Variants in PIP4K2B observed in about 807,000 individuals in gnomAD.
PIP4K2B encodes the protein phosphatidylinositol-5-phosphate 4-kinase type 2 beta, also known as phosphatidylinositol 5-phosphate 4-kinase type-2 beta.
In PIP4K2B, 3 loss-of-function variants were observed where a neutral mutation model predicts 42.0. That is an observed-to-expected ratio of 0.07 (90% CI 0.03 to 0.18). The LOEUF (loss-of-function observed/expected upper bound fraction) is 0.18, where lower values mean the gene tolerates loss of function less well. Ranked by LOEUF, PIP4K2B falls within the 10% of genes least tolerant of loss-of-function variation. The pLI, the probability that PIP4K2B is intolerant of heterozygous loss-of-function variation, is 1.00. For synonymous variants in PIP4K2B, 204 were observed against 210.1 expected (o/e 0.97, Z 0.25); for missense variants, 332 against 562.3 (o/e 0.59, Z 4.14).
chr17:38,782,208 A>AT (rs1909754817), intron 3 of PIP4K2B, among the ~76,000 whole-genome samples: 1 of 152,324 alleles, frequency 6.6e-6, no homozygotes, highest in African/African-American at 2.4e-5. Flanking sequence ...CCTCTCTACC[A>AT]TAAGACTTAC....
chr17:38,795,120 A>G (rs1265338705), intron 1 of PIP4K2B, among the ~76,000 whole-genome samples: 5 of 150,964 alleles, frequency 3.3e-5, no homozygotes, highest in East Asian at 1.9e-4. Context: ...AAAAAAAAAA[A>G]AAAAGAAAAA....
At position 38,775,882 on chromosome 17, in the gene PIP4K2B, G is replaced by GA. The variant is rs1189722900; in HGVS notation, c.807+1804dup. Among the ~76,000 whole-genome samples the GA allele has an allele frequency of 2.0e-5, 3 of 150,542 alleles. No individual in the cohort carries two copies. In the East Asian group the frequency reaches 5.9e-4, roughly 29 times the overall value. On this transcript the variant is annotated intron_variant, in intron 7 of 9. Coordinates refer to ENST00000619039, the MANE Select transcript of PIP4K2B (RefSeq NM_003559.5). ...AAAACAAATAAATAAATAATAAAAA[G>GA]AAAAAAATTCTGACACATGATACAG...
intron 1 of PIP4K2B, among the ~76,000 whole-genome samples, chr17:38,787,653 G>C (rs1037643196): frequency 6.6e-6 from 1 of 152,190 alleles, no homozygotes; most frequent in African/African-American, 2.4e-5. Flanking sequence ...GAGTGCAATG[G>C]CACGATCTCA....
intron 1 of PIP4K2B, among the ~76,000 whole-genome samples, chr17:38,789,724 C>T (rs8071164): frequency 0.015 from 2,263 of 152,160 alleles, 49 homozygotes; most frequent in African/African-American, 0.051. Context: ...GGGAAAAAAC[C>T]CAATTTACTC....
intron 1 of PIP4K2B, among the ~76,000 whole-genome samples, chr17:38,791,548 T>A (rs912815161): frequency 2.8e-4 from 42 of 150,976 alleles, no homozygotes; most frequent in African/African-American, 9.5e-4. Flanking sequence ...TAGCTCGGAT[T>A]ATAGGCATGC....
chr17:38,769,574 C>T lies in PIP4K2B; in HGVS notation c.*117G>A. On this transcript the variant is annotated 3_prime_UTR_variant, in exon 10 of 10. Transcript: ENST00000619039. ...AGGCTGCAGTCTCATTGCTAAAGCCCTCCCAAACCCGACTCTGCTCCCACC... is the reference window on the plus strand; with the variant it reads ...AGGCTGCAGTCTCATTGCTAAAGCCTTCCCAAACCCGACTCTGCTCCCACC... 1.3e-6 allele frequency: 1 copy of T among 747,730 alleles called. No homozygotes were observed. The highest frequency in any genetic ancestry group is 2.4e-5 in the East Asian group (1 of 40,854). 46.3% of individuals were successfully genotyped at this position (747,730 alleles called of 1,614,324 possible). A position where few individuals can be genotyped will look rare whatever the true frequency, so the allele number is the denominator to read the frequency against.
intron 6 of PIP4K2B, 70 bp downstream of exon 6, chr17:38,778,264 G>T: frequency 2.1e-6 from 3 of 1,433,262 alleles, no homozygotes; most frequent in African/African-American, 1.4e-5. Context: ...GTGGGCGAGG[G>T]ACAGGATGGC....
At chr17:38,794,374 T>C (rs972519586) in intron 1 of PIP4K2B, among the ~76,000 whole-genome samples, 4 of 151,560 alleles carry the variant, frequency 2.6e-5, no homozygotes, top group Non-Finnish European at 4.4e-5. Flanking sequence ...TCAAGCGAGA[T>C]GAATACGCTC....
chr17:38,798,566 G>A (rs1213829305), intron 1 of PIP4K2B, among the ~76,000 whole-genome samples: 3 of 152,154 alleles, frequency 2.0e-5, no homozygotes, highest in Non-Finnish European at 4.4e-5. Context: ...ACTATGGGAA[G>A]ACATATTATT....
chr17:38,777,054 G>A (rs1286875987), intron 7 of PIP4K2B, among the ~76,000 whole-genome samples: 1 of 152,022 alleles, frequency 6.6e-6, no homozygotes, highest in East Asian at 1.9e-4. Context: ...AAGCCACCAT[G>A]CTTAGCCAAC....
chr17:38,779,541 A>T lies in PIP4K2B; in HGVS notation c.508-12T>A. On this transcript the variant is annotated splice_polypyrimidine_tract_variant and intron_variant, in intron 4 of 9. Coordinates refer to ENST00000619039, the MANE Select transcript of PIP4K2B (RefSeq NM_003559.5). ...CACTCCACTATAAACTAGAATGGAA[A>T]GGAAGAAGAGAGAGGACTAAGGAAC... 1 of 1,608,484 alleles carries T rather than the reference A, an allele frequency of 6.2e-7. No homozygotes were observed. The highest frequency in any genetic ancestry group is 8.5e-7 in the Non-Finnish European group (1 of 1,175,064).
intron 3 of PIP4K2B, among the ~76,000 whole-genome samples, chr17:38,783,464 C>T (rs1275197212): frequency 6.6e-6 from 1 of 152,220 alleles, no homozygotes; most frequent in African/African-American, 2.4e-5. Flanking sequence ...CTCCCCACTC[C>T]CACCACCAGG....
chr17:38,784,038 G>T (rs1348236370), intron 3 of PIP4K2B, among the ~76,000 whole-genome samples: 1 of 152,224 alleles, frequency 6.6e-6, no homozygotes, highest in Non-Finnish European at 1.5e-5. Flanking sequence ...ACCTGAGTGT[G>T]TGCAGCATCC....
chr17:38,773,062 T>A (rs547389864), intron 7 of PIP4K2B, among the ~76,000 whole-genome samples: 62 of 152,110 alleles, frequency 4.1e-4, no homozygotes, highest in Non-Finnish European at 2.9e-4. Flanking sequence ...CCACTGGGGA[T>A]CTTGGAACAT....
At chr17:38,783,703 C>A (rs1909836858) in intron 3 of PIP4K2B, among the ~76,000 whole-genome samples, 1 of 152,018 alleles carries the variant, frequency 6.6e-6, no homozygotes, top group South Asian at 2.1e-4. Context: ...CAGGTTCAAG[C>A]GATTCTCCTG....
rs374070076 is a variant in PIP4K2B at position 38,799,229 on chromosome 17, G to C, written c.159+37C>G. The C allele has an allele frequency of 5.0e-5, 78 of 1,547,610 alleles. No homozygotes were observed. Among genetic ancestry groups the C allele is most frequent in the Non-Finnish European group, 6.2e-5 (71 of 1,152,276 alleles). Reference sequence around the variant, plus strand: ...GGCTGCAGGGGGCGTGGGAGCGCGCGGGGCCGCGCTCAGAGGGGCGCGCAG... The same window carrying C: ...GGCTGCAGGGGGCGTGGGAGCGCGCCGGGCCGCGCTCAGAGGGGCGCGCAG... On this transcript the variant is annotated intron_variant, in intron 1 of 9. Coordinates refer to ENST00000619039, the MANE Select transcript of PIP4K2B (RefSeq NM_003559.5). This position sits in a 1 kb window ranked among gnomAD's most constrained non-coding sequence, Gnocchi z 4.4.
chr17:38,772,772 G>A (rs1909116874), intron 7 of PIP4K2B, among the ~76,000 whole-genome samples: 1 of 152,084 alleles, frequency 6.6e-6, no homozygotes, highest in South Asian at 2.1e-4. Flanking sequence ...AGTAGAGACA[G>A]TTTCATCATG....
At position 38,769,487 on chromosome 17, in the gene PIP4K2B, G is replaced by T; in HGVS notation, c.*204C>A. ...TAAGCAGAAGGTGGGGTTACATCCTGTGAGCAGGTGCACACACAGCACATC... is the reference window on the plus strand; with the variant it reads ...TAAGCAGAAGGTGGGGTTACATCCTTTGAGCAGGTGCACACACAGCACATC... On this transcript the variant is annotated 3_prime_UTR_variant, in exon 10 of 10. Coordinates refer to ENST00000619039, the MANE Select transcript of PIP4K2B (RefSeq NM_003559.5). 1.7e-6 allele frequency: 1 copy of T among 578,832 alleles called. No individual in the cohort carries two copies. Among genetic ancestry groups the T allele is most frequent in the Non-Finnish European group, 3.1e-6 (1 of 322,632 alleles). 35.9% of individuals were successfully genotyped at this position (578,832 alleles called of 1,614,324 possible). A position where few individuals can be genotyped will look rare whatever the true frequency, so the allele number is the denominator to read the frequency against.
At chr17:38,778,416 G>C in intron 5 of PIP4K2B, 44 bp from the exon 6 acceptor site, 11 of 1,588,922 alleles carry the variant, frequency 6.9e-6, no homozygotes, top group Non-Finnish European at 9.5e-6. Context: ...CTGAGGCAAA[G>C]TCGACTGCAT....
Sources: gnomAD v4.1 joint callset for allele counts (sites outside exome capture counted in the v4.1 genomes callset) on GRCh38, gnomAD v4.1.1 for gene constraint, Gnocchi (gnomAD v3.1) non-coding constraint, MANE v1.5 for transcripts, NCBI Gene and HGNC (gene_info 2026-07-23, HGNC 2026-07-21) for gene names.